SLC4A10: variants seen among roughly 807,000 people sequenced by gnomAD.
The protein encoded by SLC4A10 is solute carrier family 4 member 10, also known as sodium-driven chloride bicarbonate exchanger.
SLC4A10 carries 42 observed loss-of-function variants against 137.7 expected under a neutral mutation model. The observed-to-expected ratio is 0.30, with a 90% CI of 0.24 to 0.39. The LOEUF is 0.39. Among genes scored for constraint, SLC4A10 ranks in the 10% least tolerant of loss-of-function variants. SLC4A10 has a pLI of 1.00. For synonymous variants in SLC4A10, 474 were observed against 464.1 expected, an observed-to-expected ratio of 1.02 and a Z score of -0.27; for missense variants, 925 against 1,355.0, an observed-to-expected ratio of 0.68 and a Z score of 4.98.
chr2:161,920,148 G>A (rs1687857110), intron 15 of SLC4A10, among the ~76,000 whole-genome samples: 1 of 152,220 alleles, frequency 6.6e-6, no homozygotes, highest in South Asian at 2.1e-4. Flanking sequence ...TGGGATCCAG[G>A]CTGGTAGCAC....
chr2:161,665,740 T>C (rs1255324013), intron 1 of SLC4A10, among the ~76,000 whole-genome samples: 1 of 151,334 alleles, frequency 6.6e-6, no homozygotes, highest in Non-Finnish European at 1.5e-5. Flanking sequence ...ACTTCACATA[T>C]AACACTGAGC....
rs141044411 is a variant in SLC4A10 at position 161,676,625 on chromosome 2, G to A, written c.48+52059G>A. On this transcript the variant is annotated intron_variant, in intron 1 of 26. Coordinates refer to ENST00000446997, the MANE Select transcript of SLC4A10 (RefSeq NM_001178015.2). ...TTAAGTACTCCATTGACATAAACTG[G>A]GTGTAATTATTACAAAATGGAATGG... 6.1e-4 allele frequency among the ~76,000 whole-genome samples: 93 copies of A among 152,056 alleles called. 2 individuals carry two copies. Among genetic ancestry groups the A allele is most frequent in the African/African-American group, 2.1e-3 (88 of 41,496 alleles).
chr2:161,729,542 TC>T (rs1231431099), intron 1 of SLC4A10, among the ~76,000 whole-genome samples: 10 of 152,198 alleles, frequency 6.6e-5, no homozygotes, highest in African/African-American at 2.2e-4. Context: ...TAGGAGAAGA[TC>T]ATACAATTTG....
chr2:161,771,492 T>C (rs2051606455), intron 2 of SLC4A10, among the ~76,000 whole-genome samples: 1 of 151,780 alleles, frequency 6.6e-6, no homozygotes, highest in South Asian at 2.1e-4. Context: ...GGAAGAAGGA[T>C]GCCTAATTCA....
At chr2:161,778,994 G>T (rs545495249) in intron 2 of SLC4A10, among the ~76,000 whole-genome samples, 4 of 152,004 alleles carry the variant, frequency 2.6e-5, no homozygotes, top group Admixed American at 2.0e-4. Flanking sequence ...ATGAAGAAAA[G>T]AAGTTTATTT....
chr2:161,648,942 AG>A (rs2036436619), intron 1 of SLC4A10, among the ~76,000 whole-genome samples: 1 of 152,060 alleles, frequency 6.6e-6, no homozygotes. Flanking sequence ...TGTTCCTGGT[AG>A]ATATTGAGAT....
rs535022619 is a variant in SLC4A10 at position 161,822,987 on chromosome 2, G to GTA, written c.278-16791_278-16790dup. On this transcript the variant is annotated intron_variant, in intron 3 of 26. Coordinates refer to ENST00000446997, the MANE Select transcript of SLC4A10 (RefSeq NM_001178015.2). ...GAAACTGTCTCAAAAAAAATTATGT[G>GTA]TATATATATATACTTTTTTTTTAGA... Among the ~76,000 whole-genome samples, 133 of 151,606 alleles carry GTA rather than the reference G, an allele frequency of 8.8e-4. 1 individual carries two copies. Among genetic ancestry groups the GTA allele is most frequent in the African/African-American group, 1.3e-3 (52 of 41,322 alleles).
chr2:161,755,764 T>C (rs1322010457), intron 1 of SLC4A10, among the ~76,000 whole-genome samples: 1 of 151,742 alleles, frequency 6.6e-6, no homozygotes, highest in Non-Finnish European at 1.5e-5. Flanking sequence ...CTTAACTCGT[T>C]CCTTAAATTT....
At chr2:161,869,112 T>C (rs1168477227) in intron 6 of SLC4A10, among the ~76,000 whole-genome samples, 1 of 151,760 alleles carries the variant, frequency 6.6e-6, no homozygotes, top group East Asian at 1.9e-4. Context: ...AAACTTATAC[T>C]AATTTTTTTC....
At chr2:161,671,145 T>A (rs1007337436) in intron 1 of SLC4A10, among the ~76,000 whole-genome samples, 2 of 152,126 alleles carry the variant, frequency 1.3e-5, no homozygotes, top group African/African-American at 4.8e-5. Context: ...GAGATGATTA[T>A]GTCATGAGGG....
rs75444613 is a variant in SLC4A10 at position 161,908,758 on chromosome 2, A to G, written c.1997+2871A>G. On this transcript the variant is annotated intron_variant, in intron 15 of 26. Coordinates refer to ENST00000446997, the MANE Select transcript of SLC4A10 (RefSeq NM_001178015.2). ...AAACAGAATGCCTTTTGAGGAGGGC[A>G]ATGAAATCGTAAGATTGATAATTTG... is the stretch of plus-strand genomic sequence containing the variant. 1.1e-4 allele frequency among the ~76,000 whole-genome samples: 16 copies of G among 150,226 alleles called. No individual in the cohort carries two copies. The East Asian group carries it at 2.3e-3, about 22-fold the overall frequency.
intron 2 of SLC4A10, among the ~76,000 whole-genome samples, chr2:161,795,828 T>C (rs1559268178): frequency 1.3e-5 from 2 of 152,184 alleles, no homozygotes; most frequent in Admixed American, 1.3e-4. Context: ...GTAGATTTTC[T>C]ATAAAGGCTA....
At chr2:161,810,824 T>G (rs2125633327) in intron 3 of SLC4A10, among the ~76,000 whole-genome samples, 1 of 152,074 alleles carries the variant, frequency 6.6e-6, no homozygotes, top group Non-Finnish European at 1.5e-5. Flanking sequence ...GCCTGAAGTT[T>G]TCTGTTTTTG....
intron 11 of SLC4A10, among the ~76,000 whole-genome samples, chr2:161,900,332 A>T (rs1356028413): frequency 6.6e-6 from 1 of 152,102 alleles, no homozygotes; most frequent in Non-Finnish European, 1.5e-5. Flanking sequence ...ACTGGGTAGA[A>T]AAACACCAGC....
intron 1 of SLC4A10, among the ~76,000 whole-genome samples, chr2:161,719,371 C>T (rs2045345857): frequency 6.6e-6 from 1 of 152,180 alleles, no homozygotes; most frequent in Admixed American, 6.5e-5. Flanking sequence ...CATACATGTG[C>T]ATGTGTCTTT....
At chr2:161,822,792 T>G (rs1397969820) in intron 3 of SLC4A10, among the ~76,000 whole-genome samples, 2 of 152,062 alleles carry the variant, frequency 1.3e-5, no homozygotes, top group Admixed American at 6.6e-5. Context: ...ATGGCCAACA[T>G]GGCAAAACCT....
intron 1 of SLC4A10, among the ~76,000 whole-genome samples, chr2:161,657,143 A>G (rs2037653367): frequency 6.6e-6 from 1 of 151,922 alleles, no homozygotes; most frequent in African/African-American, 2.4e-5. Flanking sequence ...CCTTCTGAAT[A>G]TTTGTTTGTT....
At chr2:161,937,795 A>G (rs1691850959) in intron 15 of SLC4A10, among the ~76,000 whole-genome samples, 1 of 152,140 alleles carries the variant, frequency 6.6e-6, no homozygotes, top group African/African-American at 2.4e-5. Context: ...GTGGAACAAA[A>G]CTTACTGCAA....
intron 19 of SLC4A10, among the ~76,000 whole-genome samples, chr2:161,952,934 A>C (rs898529609): frequency 2.0e-5 from 3 of 152,188 alleles, no homozygotes; most frequent in Non-Finnish European, 4.4e-5. Flanking sequence ...AAATGTTTGC[A>C]AAGTCTCCTG....
Sources: allele counts gnomAD v4.1 joint callset (sites outside exome capture counted in the v4.1 genomes callset), GRCh38; gene constraint gnomAD v4.1.1; transcripts MANE v1.5; gene names NCBI Gene and HGNC (gene_info 2026-07-23, HGNC 2026-07-21).